Variants in CLCN4 observed in about 807,000 individuals in gnomAD.
The protein encoded by CLCN4 is H(+)/Cl(-) exchange transporter 4.
In CLCN4, 1 loss-of-function variant was observed where a neutral mutation model predicts 41.7. The ratio of observed to expected loss-of-function variants is 0.02; its 90% CI spans 0.01 to 0.11. The LOEUF (loss-of-function observed/expected upper bound fraction) is 0.11. Among genes scored for constraint, CLCN4 ranks in the 10% least tolerant of loss-of-function variants. CLCN4 has a pLI of 1.00. For synonymous variants in CLCN4, 277 were observed against 285.8 expected, an observed-to-expected ratio of 0.97 and a Z score of 0.31; for missense variants, 287 against 661.0, an observed-to-expected ratio of 0.43 and a Z score of 6.20.
chrX:10,184,080 A>G (rs952249992), intron 2 of CLCN4, among the ~76,000 whole-genome samples: 1 of 112,174 alleles, frequency 8.9e-6, no homozygotes, highest in Non-Finnish European at 1.9e-5. Context: ...TACATTTTGA[A>G]TATCCATGAT....
chrX:10,210,229 C>T (rs1374626018), intron 9 of CLCN4, among the ~76,000 whole-genome samples: 1 of 111,960 alleles, frequency 8.9e-6, no homozygotes, highest in Admixed American at 9.5e-5. Flanking sequence ...TTTGTTTATC[C>T]ACTCATCCTT....
chrX:10,232,378 G>A (rs1724298055), intron 12 of CLCN4, among the ~76,000 whole-genome samples: 1 of 112,186 alleles, frequency 8.9e-6, no homozygotes, highest in Admixed American at 9.4e-5. Context: ...ATAAATGACA[G>A]TATATTACAG....
chrX:10,223,295 G>A lies in CLCN4; in HGVS notation c.2192+2418G>A, dbSNP rs139118700. 4.2e-3 allele frequency among the ~76,000 whole-genome samples: 470 copies of A among 111,736 alleles called. 4 individuals carry two copies. Among genetic ancestry groups the A allele is most frequent in the African/African-American group, 0.015 (449 of 30,727 alleles). On this transcript the variant is annotated intron_variant, in intron 12 of 12. Coordinates refer to ENST00000380833, the MANE Select transcript of CLCN4 (RefSeq NM_001830.4). The stretch of plus-strand genomic sequence containing the variant: ...AAACAATAATCCAAAGTCAATTATC[G>A]TTGGAATTTCAGCTCAGGCAGGAAA...
rs760886865 is a variant in CLCN4 at position 10,213,664 on chromosome X, C to T, written c.1577-17C>T. ...CCGGCTTGCACTTTGGAATCTTACT[C>T]CTCCCCTCTGTTGCAGGTGGAGTTA... On this transcript the variant is annotated splice_polypyrimidine_tract_variant and intron_variant, in intron 10 of 12. Transcript: ENST00000380833. The T allele has an allele frequency of 2.5e-6, 3 of 1,190,159 alleles. No individual in the cohort carries two copies. The South Asian group carries it at 5.5e-5, about 22-fold the overall frequency.
At chrX:10,212,840 G>GAC (rs770285422) in intron 10 of CLCN4, among the ~76,000 whole-genome samples, 187 bp downstream of exon 10, 43 of 107,509 alleles carry the variant, frequency 4.0e-4, no homozygotes, top group African/African-American at 5.1e-4. Context: ...TCACTATGCA[G>GAC]ACACACACAC....
intron 2 of CLCN4, among the ~76,000 whole-genome samples, chrX:10,172,643 TTG>T (rs959965833): frequency 2.0e-5 from 2 of 101,434 alleles, no homozygotes; most frequent in Non-Finnish European, 2.0e-5. Context: ...GTGTGTGTGT[TTG>T]TGTGTGTGTG....
chrX:10,217,359 G>C (rs1202834448), intron 11 of CLCN4, among the ~76,000 whole-genome samples: 1 of 111,956 alleles, frequency 8.9e-6, no homozygotes, highest in Non-Finnish European at 1.9e-5. Flanking sequence ...GACATTTGGG[G>C]CTTGATGATT....
Position 10,213,253 on chromosome X carries a change from G to A in CLCN4, c.1577-428G>A, listed in dbSNP as rs1165556559. 3.6e-5 allele frequency among the ~76,000 whole-genome samples: 4 copies of A among 112,039 alleles called. No individual in the cohort carries two copies. In the Admixed American group the frequency reaches 3.8e-4, roughly 11 times the overall value. The stretch of plus-strand genomic sequence containing the variant: ...TAAAAATCTTGGTTTAGCAGAAGGC[G>A]CTTCTCCACCTAATCATTCAGGGGC... On this transcript the variant is annotated intron_variant, in intron 10 of 12. Transcript: ENST00000380833.
In CLCN4 at chrX:10,212,626, G is replaced by A. The variant is rs2147182742; in HGVS notation, c.1549G>A (p.Ala517Thr). The A allele has an allele frequency of 8.3e-7, 1 of 1,210,275 alleles. No homozygotes were observed. The highest frequency in any genetic ancestry group is 1.1e-6 in the Non-Finnish European group (1 of 894,545). The change falls in exon 10 of 13, where the codon GCA (alanine) becomes ACA (threonine). Residue 517 changes from alanine (A) to threonine (T), a missense_variant. Ala to Thr is a moderately conservative substitution (Grantham distance 58). This residue lies in a region of CLCN4 where 94 missense variants were observed against 177.9 expected (regional missense o/e 0.53). Coordinates refer to ENST00000380833, the MANE Select transcript of CLCN4 (RefSeq NM_001830.4). ...AGACTGTGTCACGCCAGGGCTGTAC[G>A]CAATGGTGGGAGCTGCGGCCTGCCT... ...GADCVTPGLY[A>T]MVGAAACLGG... is the part of the protein sequence containing the mutation.
In CLCN4 at chrX:10,172,684, C is replaced by CGTGTGT. The variant is rs34697600; in HGVS notation, c.-11-12326_-11-12321dup. ...ATGTGAGAGAGAGAGAGAGGGCATGCGTGTGTGTGTGTGTGTGAGCATTGT... is the reference window on the plus strand; with the variant it reads ...ATGTGAGAGAGAGAGAGAGGGCATGCGTGTGTGTGTGTGTGTGTGTGTGAGCATTGT... On this transcript the variant is annotated intron_variant, in intron 2 of 12. Transcript: ENST00000380833. Among the ~76,000 whole-genome samples the CGTGTGT allele has an allele frequency of 6.7e-5, 6 of 89,243 alleles. No homozygotes were observed. In the East Asian group the frequency reaches 9.7e-4, roughly 14 times the overall value. The allele number at this position is 89,243 out of a possible 115,157, so 77.5% of individuals were successfully genotyped here. A position where few individuals can be genotyped will look rare whatever the true frequency, so the allele number is the denominator to read the frequency against.
At chrX:10,184,897 T>C (rs1923770691) in intron 2 of CLCN4, 125 bp from the exon 3 acceptor site, 1 of 504,054 alleles carries the variant, frequency 2.0e-6, no homozygotes, top group African/African-American at 2.4e-5. Context: ...TATATTTCAT[T>C]ACAGCACAGA....
At chrX:10,174,033 C>G (rs2147161745) in intron 2 of CLCN4, among the ~76,000 whole-genome samples, 1 of 112,156 alleles carries the variant, frequency 8.9e-6, no homozygotes, top group South Asian at 3.7e-4. Context: ...ATCCCCCTCC[C>G]CAGAGGTGAT....
At chrX:10,198,874 C>CT (rs1924164997) in intron 6 of CLCN4, among the ~76,000 whole-genome samples, 1 of 112,085 alleles carries the variant, frequency 8.9e-6, no homozygotes, top group African/African-American at 3.3e-5. Flanking sequence ...GGGTTGATGC[C>CT]TTAGCGATGC....
In CLCN4 at chrX:10,214,085, TAA is replaced by T. The variant is rs774937981; in HGVS notation, c.1975+8_1975+9del. On this transcript the variant is annotated splice_region_variant and intron_variant, in intron 11 of 12. Transcript: ENST00000380833. ...GGAACTGATTCTCGCAATAAGTGAG[TAA>T]AGAGAGGGAAGCTCACATTTTACCA... 18 of 1,151,610 alleles carry T rather than the reference TAA, an allele frequency of 1.6e-5. No individual in the cohort carries two copies. The highest frequency in any genetic ancestry group is 2.1e-5 in the Non-Finnish European group (18 of 866,799). The allele number at this position is 1,151,610 out of a possible 1,213,427, so 94.9% of individuals were successfully genotyped here. A position where few individuals can be genotyped will look rare whatever the true frequency, so the allele number is the denominator to read the frequency against.
intron 12 of CLCN4, among the ~76,000 whole-genome samples, chrX:10,229,386 A>AATAT (rs778644562): frequency 1.9e-5 from 2 of 102,677 alleles, no homozygotes; most frequent in African/African-American, 7.8e-5. Flanking sequence ...AGATTTTTAA[A>AATAT]ATATATATAT....
At chrX:10,220,953 T>TG (rs1310475197) in intron 12 of CLCN4, 76 bp downstream of exon 12, 2 of 853,592 alleles carry the variant, frequency 2.3e-6, no homozygotes, top group East Asian at 3.1e-5. Context: ...CCCTGAAGAA[T>TG]GTGGAGGGCC....
chrX:10,226,869 T>C (rs1342350045), intron 12 of CLCN4, among the ~76,000 whole-genome samples: 1 of 110,744 alleles, frequency 9.0e-6, no homozygotes, highest in Non-Finnish European at 1.9e-5. Context: ...AACCCCTGAA[T>C]AGACCAAGTT....
chrX:10,161,983 C>T (rs1449350058), intron 2 of CLCN4, among the ~76,000 whole-genome samples: 1 of 104,134 alleles, frequency 9.6e-6, no homozygotes, highest in Admixed American at 1.0e-4. Flanking sequence ...TGAGCGGGCT[C>T]GGAGGCAGAC....
intron 5 of CLCN4, among the ~76,000 whole-genome samples, chrX:10,196,225 A>G (rs968957247): frequency 8.0e-5 from 9 of 112,527 alleles, no homozygotes; most frequent in Non-Finnish European, 1.7e-4. Context: ...GCATTTTATG[A>G]CCACATTATA....
Sources: allele counts gnomAD v4.1 joint callset (sites outside exome capture counted in the v4.1 genomes callset), GRCh38; gene constraint gnomAD v4.1.1; regional missense constraint gnomAD v4.1.1; transcripts MANE v1.5; gene names NCBI Gene and HGNC (gene_info 2026-07-23, HGNC 2026-07-21).